AUTS2: variants seen among roughly 807,000 people sequenced by gnomAD.
AUTS2 encodes the protein activator of transcription and developmental regulator AUTS2.
Under a neutral mutation model 112.4 loss-of-function variants are expected in AUTS2, and 17 were observed. The ratio of observed to expected loss-of-function variants is 0.15; its 90% CI spans 0.10 to 0.23. The LOEUF (loss-of-function observed/expected upper bound fraction) is 0.23, where lower values mean the gene tolerates loss of function less well. Among genes scored for constraint, AUTS2 ranks in the 10% least tolerant of loss-of-function variants. AUTS2 has a pLI of 1.00. For missense variants in AUTS2, 1,510 were observed against 1,701.6 expected (o/e 0.89, Z 1.98); for synonymous variants, 751 against 702.7 (o/e 1.07, Z -1.09).
intron 1 of AUTS2, among the ~76,000 whole-genome samples, chr7:69,853,438 A>T (rs1158677091): frequency 6.6e-6 from 1 of 152,092 alleles, no homozygotes; most frequent in East Asian, 1.9e-4. Flanking sequence ...TTATTCATGT[A>T]GGTACTCCTG....
Position 70,789,769 on chromosome 7 carries a change from C to G in AUTS2, c.2553C>G (p.His851Gln), listed in dbSNP as rs201055436. 1.2e-4 allele frequency: 188 copies of G among 1,613,650 alleles called. No individual in the cohort carries two copies. The East Asian group carries it at 4.1e-3, about 35-fold the overall frequency. Reference protein sequence around the residue: ...DKERESVEKRHSSHPSPAPVL... With the variant: ...DKERESVEKRQSSHPSPAPVL... ...CCAGGGAAAGCGTCGAGAAGAGACA[C>G]TCCAGCCACCCTTCACCAGCACCTG... is the stretch of plus-strand genomic sequence containing the variant. Residue 851 changes from histidine (H) to glutamine (Q), a missense_variant, in exon 19 of 19, where the codon CAC (histidine) becomes CAG (glutamine). His to Gln is a conservative substitution (Grantham distance 24, BLOSUM62 0). Around this residue, in one of 3 missense-constraint regions of AUTS2, gnomAD observed 788 missense variants for 797.6 expected, o/e 0.99. Coordinates refer to ENST00000342771, the MANE Select transcript of AUTS2 (RefSeq NM_015570.4).
intron 14 of AUTS2, among the ~76,000 whole-genome samples, chr7:70,779,708 G>A (rs931307865): frequency 6.6e-6 from 1 of 152,134 alleles, no homozygotes; most frequent in Non-Finnish European, 1.5e-5. Context: ...GGGGCTAAAG[G>A]GGCTGAGAGC....
chr7:69,965,292 G>C (rs892043170), intron 2 of AUTS2, among the ~76,000 whole-genome samples: 2 of 152,086 alleles, frequency 1.3e-5, no homozygotes, highest in East Asian at 3.9e-4. Flanking sequence ...TCTCATCTCC[G>C]TTCTTGCTAA....
At chr7:70,281,921 C>T (rs1456678227) in intron 4 of AUTS2, among the ~76,000 whole-genome samples, 1 of 152,170 alleles carries the variant, frequency 6.6e-6, no homozygotes, top group East Asian at 1.9e-4. Context: ...CCCCCTGACC[C>T]ATAACAACAA....
At chr7:70,462,088 T>C (rs149839269) in intron 5 of AUTS2, among the ~76,000 whole-genome samples, 29,357 of 151,800 alleles carry the variant, frequency 0.19, 3,229 homozygotes, top group African/African-American at 0.3. Context: ...CCCATCTCTA[T>C]GAGAAATACA....
At chr7:70,511,924 T>G (rs2116793152) in intron 5 of AUTS2, among the ~76,000 whole-genome samples, 1 of 152,230 alleles carries the variant, frequency 6.6e-6, no homozygotes, top group South Asian at 2.1e-4. Flanking sequence ...CTTCAAAGTG[T>G]CCTGGTTTGA....
chr7:69,645,289 T>C (rs943310426), intron 1 of AUTS2, among the ~76,000 whole-genome samples: 15 of 152,088 alleles, frequency 9.9e-5, no homozygotes, highest in Non-Finnish European at 1.5e-4. Context: ...GCAATGAAAA[T>C]TGTCAAGTAA....
chr7:70,003,215 TTA>T (rs1268040269), intron 2 of AUTS2, among the ~76,000 whole-genome samples: 2 of 133,174 alleles, frequency 1.5e-5, no homozygotes, highest in Non-Finnish European at 3.1e-5. Context: ...TATGAATATA[TTA>T]TATATGAATA....
intron 1 of AUTS2, among the ~76,000 whole-genome samples, chr7:69,788,604 T>G (rs1331970604): frequency 6.6e-6 from 1 of 152,166 alleles, no homozygotes; most frequent in African/African-American, 2.4e-5. Context: ...CAGTTTAACC[T>G]GAAGGGCACT....
intron 2 of AUTS2, among the ~76,000 whole-genome samples, chr7:69,985,286 A>C (rs2129550730): frequency 6.7e-6 from 1 of 149,948 alleles, no homozygotes; most frequent in South Asian, 2.1e-4. Context: ...TCTGTTGTTG[A>C]GCCTTATTTA....
intron 5 of AUTS2, among the ~76,000 whole-genome samples, chr7:70,664,886 C>T (rs1807248487): frequency 6.6e-6 from 1 of 152,130 alleles, no homozygotes; most frequent in Non-Finnish European, 1.5e-5. Flanking sequence ...GCCTGGGCAA[C>T]ATAGCAAGAT....
intron 2 of AUTS2, among the ~76,000 whole-genome samples, chr7:70,055,892 G>T (rs73440498): frequency 0.01 from 1,537 of 151,946 alleles, 36 homozygotes; most frequent in African/African-American, 0.035. Flanking sequence ...CTTGCTCTTG[G>T]TCAGGCAGGT....
chr7:70,470,913 C>G (rs1030296803), intron 5 of AUTS2, among the ~76,000 whole-genome samples: 4 of 152,100 alleles, frequency 2.6e-5, no homozygotes, highest in Non-Finnish European at 4.4e-5. Flanking sequence ...TTTCAGCCTG[C>G]GAACTTCCTG....
rs139283819 is a variant in AUTS2, at chr7:70,543,444, G to A, written c.690+107663G>A. On this transcript the variant is annotated intron_variant, in intron 5 of 18. Coordinates refer to ENST00000342771, the MANE Select transcript of AUTS2 (RefSeq NM_015570.4). ...CTCGGGAGGCTGAGGCACGAGAATC[G>A]CTTGAACCCGGGAGGCAGAGGTTGT... Among the ~76,000 whole-genome samples, 626 of 151,626 alleles carry A rather than the reference G, an allele frequency of 4.1e-3. 4 individuals carry two copies. The highest frequency in any genetic ancestry group is 0.014 in the African/African-American group (593 of 41,330).
chr7:70,588,340 T>C (rs1464353456), intron 5 of AUTS2, among the ~76,000 whole-genome samples: 1 of 152,206 alleles, frequency 6.6e-6, no homozygotes, highest in African/African-American at 2.4e-5. Flanking sequence ...TTTCCTGCCC[T>C]GGAAACCCAT....
At chr7:70,218,428 A>G (rs1811286681) in intron 4 of AUTS2, among the ~76,000 whole-genome samples, 1 of 152,150 alleles carries the variant, frequency 6.6e-6, no homozygotes. Flanking sequence ...ATGAGTATCT[A>G]ATATGCTGGG....
intron 1 of AUTS2, among the ~76,000 whole-genome samples, chr7:69,614,318 T>TTCTG: frequency 2.0e-5 from 1 of 50,976 alleles, no homozygotes; most frequent in Non-Finnish European, 4.3e-5. Flanking sequence ...CTCCGTCTCT[T>TTCTG]TCTTTCTTTC....
At chr7:69,994,346 T>C (rs1003299722) in intron 2 of AUTS2, among the ~76,000 whole-genome samples, 1 of 152,218 alleles carries the variant, frequency 6.6e-6, no homozygotes, top group Non-Finnish European at 1.5e-5. Flanking sequence ...AATAATAGTT[T>C]CTTGTCCTCA....
In AUTS2 at chr7:70,733,445, A is replaced by G. The variant is rs541418261; in HGVS notation, c.743-29425A>G. The stretch of plus-strand genomic sequence containing the variant: ...GATTATTTTCCCCTAACAATTTTGT[A>G]TGAAAAATTTCAAACATACAGAAAA... On this transcript the variant is annotated intron_variant, in intron 6 of 18. Coordinates refer to ENST00000342771, the MANE Select transcript of AUTS2 (RefSeq NM_015570.4). Among the ~76,000 whole-genome samples, 4 of 152,356 alleles carry G rather than the reference A, an allele frequency of 2.6e-5. No individual in the cohort carries two copies. In the East Asian group the frequency reaches 7.7e-4, roughly 29 times the overall value.
Sources: allele counts gnomAD v4.1 joint callset (sites outside exome capture counted in the v4.1 genomes callset), GRCh38; gene constraint gnomAD v4.1.1; regional missense constraint gnomAD v4.1.1; transcripts MANE v1.5; gene names NCBI Gene and HGNC (gene_info 2026-07-23, HGNC 2026-07-21).